LIX1: variants seen among roughly 807,000 people sequenced by gnomAD.
LIX1 encodes limb and CNS expressed 1, also known as protein limb expression 1 homolog.
LIX1 carries 24 observed loss-of-function variants against 33.4 expected under a neutral mutation model. The ratio of observed to expected loss-of-function variants is 0.72; its 90% CI spans 0.52 to 1.01. The LOEUF is 1.01. Ranked by LOEUF, LIX1 falls within the 50% of genes least tolerant of loss-of-function variation. LIX1 has a pLI of 0.00. For synonymous variants in LIX1, 124 were observed against 124.0 expected (o/e 1.00, Z 0.00); for missense variants, 311 against 339.2 (o/e 0.92, Z 0.65).
chr5:97,099,793 C>T (rs1055889990), intron 4 of LIX1, among the ~76,000 whole-genome samples: 1 of 152,188 alleles, frequency 6.6e-6, no homozygotes, highest in East Asian at 1.9e-4. Flanking sequence ...GCTGCGATCG[C>T]GATACCACAC....
rs758936039 is a variant in LIX1, at chr5:97,124,598, C to A, written c.114G>T (p.Trp38Cys). ...LNVVSMLQEF[W>C]ESKQQQKAAF... The stretch of plus-strand genomic sequence containing the variant: ...CAGCCTTCTGCTGCTGCTTGCTTTC[C>A]CAAAATTCCTGTAACATTGACACAA... The change falls in exon 2 of 6, where the codon TGG becomes TGT. Residue 38 changes from tryptophan to cysteine, a missense_variant. Physicochemically the swap from Trp to Cys is radical, Grantham distance 215. Coordinates refer to ENST00000274382, the MANE Select transcript of LIX1 (RefSeq NM_153234.5). 5.0e-6 allele frequency: 8 copies of A among 1,609,722 alleles called. No individual in the cohort carries two copies. The Admixed American group carries it at 1.2e-4, about 24-fold the overall frequency.
intron 1 of LIX1, among the ~76,000 whole-genome samples, chr5:97,127,200 C>T (rs982451233): frequency 6.6e-6 from 1 of 152,142 alleles, no homozygotes; most frequent in African/African-American, 2.4e-5. Context: ...CCTACTTTGT[C>T]AGTCAGTTGT....
At chr5:97,124,650 C>T (rs1297487403) in intron 1 of LIX1, 21 bp from the exon 2 acceptor site, 1 of 1,599,220 alleles carries the variant, frequency 6.3e-7, no homozygotes, top group Non-Finnish European at 8.5e-7. Flanking sequence ...CAAGAAACAC[C>T]ATCAGTTATT....
chr5:97,119,337 T>G (rs1490894414), intron 2 of LIX1, among the ~76,000 whole-genome samples: 1 of 152,238 alleles, frequency 6.6e-6, no homozygotes, highest in Non-Finnish European at 1.5e-5. Flanking sequence ...AATGAGCATG[T>G]AGGCTCTTAT....
At chr5:97,101,728 G>C (rs1746711709) in intron 4 of LIX1, 1 of 152,168 alleles carries the variant, frequency 6.6e-6, no homozygotes, top group Non-Finnish European at 1.5e-5. Flanking sequence ...GAGAGAAAAT[G>C]CTCACTGCTT....
chr5:97,122,558 T>C (rs1035542611), intron 2 of LIX1, among the ~76,000 whole-genome samples: 6 of 152,230 alleles, frequency 3.9e-5, no homozygotes, highest in Non-Finnish European at 7.3e-5. Context: ...TTGAGACTTT[T>C]TTAATTTTTA....
At chr5:97,141,665 A>C (rs1748291838) in intron 1 of LIX1, among the ~76,000 whole-genome samples, 3 of 152,210 alleles carry the variant, frequency 2.0e-5, no homozygotes, top group Admixed American at 6.5e-5. Flanking sequence ...AGTTAAAAAA[A>C]ATTCCATATG....
In LIX1 at chr5:97,142,606, CAG is replaced by C. The variant is rs1748317827; in HGVS notation, c.-32_-31del. 17 of 1,559,250 alleles carry C rather than the reference CAG, an allele frequency of 1.1e-5. No individual in the cohort carries two copies. Among genetic ancestry groups the C allele is most frequent in the Non-Finnish European group, 1.5e-5 (17 of 1,130,488 alleles). On this transcript the variant is annotated 5_prime_UTR_variant, in exon 1 of 6. Coordinates refer to ENST00000274382, the MANE Select transcript of LIX1 (RefSeq NM_153234.5). ...GGTCTGCCTGTGTGAGCCTCCTGTA[CAG>C]AGTGTCCTCATGCCTGAATTCTTGC...
intron 4 of LIX1, among the ~76,000 whole-genome samples, chr5:97,102,546 A>G (rs1444142643): frequency 6.6e-6 from 1 of 152,142 alleles, no homozygotes; most frequent in Non-Finnish European, 1.5e-5. Flanking sequence ...TCCATCCTGT[A>G]TCCAGACTCC....
intron 2 of LIX1, among the ~76,000 whole-genome samples, chr5:97,122,323 C>T (rs2112786231): frequency 6.6e-6 from 1 of 152,234 alleles, no homozygotes; most frequent in African/African-American, 2.4e-5. Context: ...CAGTACGTTT[C>T]TCCTATATAT....
rs1441015700 is a variant in LIX1 at position 97,124,534 on chromosome 5, GC to G, written c.177del (p.Pro60GlnfsTer8). 1.9e-6 allele frequency: 3 copies of G among 1,612,714 alleles called. No homozygotes were observed. The highest frequency in any genetic ancestry group is 1.3e-5 in the African/African-American group (1 of 74,884). On this transcript the variant is annotated frameshift_variant, in exon 2 of 6. Coordinates refer to ENST00000274382, the MANE Select transcript of LIX1 (RefSeq NM_153234.5). LOFTEE classifies it high-confidence loss of function. ...CTCACAAAGGGAGGCCCAGGAGCTG[GC>G]AGTGACTCATAGACCACCACACCTT... ...PSEGVVVYES[L>X]PAPGPPFVSY...
At chr5:97,142,310 G>A (rs1009972729) in intron 1 of LIX1, among the ~76,000 whole-genome samples, 185 bp downstream of exon 1, 8 of 152,228 alleles carry the variant, frequency 5.3e-5, no homozygotes, top group African/African-American at 1.9e-4. Flanking sequence ...ATAACCCAGT[G>A]CCTAATGCCT....
chr5:97,138,488 G>A (rs997432326), intron 1 of LIX1, among the ~76,000 whole-genome samples: 2 of 152,066 alleles, frequency 1.3e-5, no homozygotes, highest in South Asian at 2.1e-4. Flanking sequence ...AAACTTTTCC[G>A]CAACGCAACA....
intron 1 of LIX1, among the ~76,000 whole-genome samples, chr5:97,127,619 T>G (rs947224099): frequency 7.9e-5 from 12 of 152,206 alleles, no homozygotes; most frequent in African/African-American, 2.9e-4. Flanking sequence ...ATGAAACACA[T>G]GCTTCTTTAT....
chr5:97,114,445 T>C (rs1488267702), intron 2 of LIX1, among the ~76,000 whole-genome samples: 1 of 152,156 alleles, frequency 6.6e-6, no homozygotes, highest in African/African-American at 2.4e-5. Flanking sequence ...TTATCATAGA[T>C]TAAGATGACC....
intron 2 of LIX1, among the ~76,000 whole-genome samples, chr5:97,108,711 G>A (rs1024684709): frequency 3.3e-5 from 5 of 152,078 alleles, no homozygotes; most frequent in East Asian, 3.9e-4. Flanking sequence ...TGGGGTGGCC[G>A]GGCACCCCTG....
intron 1 of LIX1, among the ~76,000 whole-genome samples, chr5:97,129,713 A>G (rs1748013328): frequency 1.3e-5 from 2 of 152,210 alleles, no homozygotes; most frequent in African/African-American, 4.8e-5. Context: ...TCTATCTGTA[A>G]TATAGACAAT....
intron 2 of LIX1, among the ~76,000 whole-genome samples, chr5:97,119,356 T>C (rs1747722389): frequency 6.6e-6 from 1 of 152,230 alleles, no homozygotes; most frequent in Non-Finnish European, 1.5e-5. Flanking sequence ...ATAGTCCAAC[T>C]GCTGGCAAAA....
chr5:97,109,643 G>A (rs1245192583), intron 2 of LIX1, among the ~76,000 whole-genome samples: 1 of 152,024 alleles, frequency 6.6e-6, no homozygotes, highest in Non-Finnish European at 1.5e-5. Flanking sequence ...TTCTTTTGCG[G>A]TGATTTCTGG....
Sources: gnomAD v4.1 joint callset for allele counts (sites outside exome capture counted in the v4.1 genomes callset) on GRCh38, gnomAD v4.1.1 for gene constraint, MANE v1.5 for transcripts, NCBI Gene and HGNC (gene_info 2026-07-23, HGNC 2026-07-21) for gene names.